The following CACNB2 variants were observed in gnomAD, a reference collection of about 807,000 sequenced individuals.
CACNB2 encodes calcium voltage-gated channel auxiliary subunit beta 2.
A neutral mutation model predicts 73.3 loss-of-function variants in CACNB2; 42 were observed. The observed-to-expected ratio is 0.57, with a 90% CI of 0.45 to 0.74. CACNB2 has a LOEUF of 0.74. Ranked by LOEUF, CACNB2 falls within the 30% of genes least tolerant of loss-of-function variation. The pLI, the probability that CACNB2 is intolerant of heterozygous loss-of-function variation, is 0.00. For synonymous variants in CACNB2, 348 were observed against 310.3 expected, an observed-to-expected ratio of 1.12 and a Z score of -1.28; for missense variants, 940 against 853.0, an observed-to-expected ratio of 1.10 and a Z score of -1.27.
chr10:18,500,713 A>C (rs1317900675), intron 4 of CACNB2, 99 bp from the exon 5 acceptor site: 28 of 1,204,744 alleles, frequency 2.3e-5, no homozygotes, highest in Non-Finnish European at 3.1e-5. Context: ...GGCATAGTTA[A>C]TGGTCATTGC....
intron 3 of CACNB2, among the ~76,000 whole-genome samples, chr10:18,475,654 C>G (rs2132791254): frequency 6.6e-6 from 1 of 152,200 alleles, no homozygotes; most frequent in East Asian, 1.9e-4. Flanking sequence ...ACAAATCATA[C>G]CAGTACTAAA....
At position 18,531,480 on chromosome 10, in the gene CACNB2, C is replaced by T. The variant is rs566346577; in HGVS notation, c.1055-2596C>T. ...TAGTGCTGCAGTGAACATATACATG[C>T]GTGTATCTTTATAATAGAATGATTT... On this transcript the variant is annotated intron_variant, in intron 10 of 13. Transcript: ENST00000324631. Among the ~76,000 whole-genome samples, 42 of 152,154 alleles carry T rather than the reference C, an allele frequency of 2.8e-4. No individual in the cohort carries two copies. In the East Asian group the frequency reaches 4.1e-3, roughly 15 times the overall value.
At chr10:18,517,836 A>T (rs983966738) in intron 7 of CACNB2, among the ~76,000 whole-genome samples, 2 of 152,194 alleles carry the variant, frequency 1.3e-5, no homozygotes, top group Admixed American at 1.3e-4. Context: ...ATTGGTAGTG[A>T]GAGTTATAAT....
At chr10:18,189,818 G>A (rs755758996) in intron 2 of CACNB2, among the ~76,000 whole-genome samples, 3 of 152,114 alleles carry the variant, frequency 2.0e-5, no homozygotes, top group Non-Finnish European at 4.4e-5. Context: ...TCACCACTGC[G>A]TTTTCCATCA....
intron 2 of CACNB2, among the ~76,000 whole-genome samples, chr10:18,159,565 C>T (rs2032308430): frequency 6.6e-6 from 1 of 152,160 alleles, no homozygotes; most frequent in East Asian, 1.9e-4. Flanking sequence ...ATGACACTTT[C>T]AGAACATGGT....
In CACNB2 at chr10:18,335,158, G is replaced by C. The variant is rs548953448; in HGVS notation, c.214-66766G>C. ...AAAAAAAAAAATACCGTTGGATATGGACTTAACCACTTAAATTAAGATAGC... is the reference window on the plus strand; with the variant it reads ...AAAAAAAAAAATACCGTTGGATATGCACTTAACCACTTAAATTAAGATAGC... On this transcript the variant is annotated intron_variant, in intron 2 of 13. Transcript: ENST00000324631. 2.0e-5 allele frequency among the ~76,000 whole-genome samples: 3 copies of C among 151,918 alleles called. No homozygotes were observed. The East Asian group carries it at 5.8e-4, about 29-fold the overall frequency.
In CACNB2 at chr10:18,220,201, GTATATATATATA is replaced by G. The variant is rs773942256; in HGVS notation, c.213+69247_213+69258del. Among the ~76,000 whole-genome samples, 10 of 23,314 alleles carry G rather than the reference GTATATATATATA, an allele frequency of 4.3e-4. 1 individual carries two copies. Among genetic ancestry groups the G allele is most frequent in the African/African-American group, 2.2e-3 (8 of 3,630 alleles). The allele number at this position is 23,314 out of a possible 152,430, so 15.3% of individuals were successfully genotyped here. A position where few individuals can be genotyped will look rare whatever the true frequency, so the allele number is the denominator to read the frequency against. ...CATATATATACATATATATGTGTGT[GTATATATATATA>G]TATATATATATATATATATAGAGAG... On this transcript the variant is annotated intron_variant, in intron 2 of 13. Transcript: ENST00000324631.
chr10:18,439,160 G>A (rs948029596), intron 3 of CACNB2, among the ~76,000 whole-genome samples: 1 of 152,230 alleles, frequency 6.6e-6, no homozygotes, highest in Non-Finnish European at 1.5e-5. Context: ...GAAGTGGGAG[G>A]ATTGGGGGCT....
intron 2 of CACNB2, among the ~76,000 whole-genome samples, chr10:18,202,705 C>A (rs191189464): frequency 2.6e-5 from 4 of 152,320 alleles, no homozygotes; most frequent in African/African-American, 9.6e-5. Flanking sequence ...GTTCCAGAAC[C>A]ATTCTCAGGT....
At chr10:18,351,966 C>T (rs2132141837) in intron 2 of CACNB2, among the ~76,000 whole-genome samples, 1 of 152,228 alleles carries the variant, frequency 6.6e-6, no homozygotes, top group East Asian at 1.9e-4. Context: ...TTCTACACTC[C>T]TGCTGCTCTC....
Position 18,539,352 on chromosome 10 carries a change from AC to A in CACNB2, c.1612del (p.His538ThrfsTer31). On this transcript the variant is annotated frameshift_variant, in exon 14 of 14. Coordinates refer to ENST00000324631, the MANE Select transcript of CACNB2 (RefSeq NM_201596.3). LOFTEE classifies it high-confidence loss of function. Reference sequence around the variant, plus strand: ...AGCACCGCTCTTCCTCCTCAGCCCCACACCACAACCATCGCAGTGGGACAAG... The same window carrying A: ...AGCACCGCTCTTCCTCCTCAGCCCCAACCACAACCATCGCAGTGGGACAAG... ...SQHRSSSSAP[H>X]HNHRSGTSRG... 6.2e-7 allele frequency: 1 copy of A among 1,614,106 alleles called. No homozygotes were observed. Among genetic ancestry groups the A allele is most frequent in the Non-Finnish European group, 8.5e-7 (1 of 1,180,012 alleles).
chr10:18,209,961 A>G (rs2035250788), intron 2 of CACNB2, among the ~76,000 whole-genome samples: 2 of 152,166 alleles, frequency 1.3e-5, no homozygotes, highest in African/African-American at 2.4e-5. Context: ...TTTGAAATGG[A>G]TAGGAGAAAG....
intron 13 of CACNB2, among the ~76,000 whole-genome samples, chr10:18,538,849 T>TA (rs2053866288): frequency 6.6e-6 from 1 of 152,304 alleles, no homozygotes; most frequent in South Asian, 2.1e-4. Context: ...AAGCATTTGC[T>TA]ATTTTTAATA....
intron 3 of CACNB2, among the ~76,000 whole-genome samples, chr10:18,450,902 G>C (rs2046991428): frequency 6.6e-6 from 1 of 152,250 alleles, no homozygotes; most frequent in East Asian, 1.9e-4. Flanking sequence ...CTCCCAAAGT[G>C]TTGGGATTAC....
chr10:18,319,012 G>C (rs1237211034), intron 2 of CACNB2, among the ~76,000 whole-genome samples: 1 of 152,312 alleles, frequency 6.6e-6, no homozygotes, highest in East Asian at 1.9e-4. Flanking sequence ...ATGTAAATTA[G>C]TTCAACCATT....
At chr10:18,195,538 T>G (rs933523825) in intron 2 of CACNB2, among the ~76,000 whole-genome samples, 3 of 152,212 alleles carry the variant, frequency 2.0e-5, no homozygotes, top group Admixed American at 6.5e-5. Flanking sequence ...GTCTCATAAA[T>G]GCATTCCACT....
Position 18,541,374 on chromosome 10 carries a change from C to T in CACNB2, c.*1650C>T, listed in dbSNP as rs2133349285. The T allele has an allele frequency of 6.5e-6, 1 of 152,676 alleles. No homozygotes were observed. Among genetic ancestry groups the T allele is most frequent in the Non-Finnish European group, 1.5e-5 (1 of 68,026 alleles). 9.5% of individuals were successfully genotyped at this position (152,676 alleles called of 1,614,324 possible). A position where few individuals can be genotyped will look rare whatever the true frequency, so the allele number is the denominator to read the frequency against. On this transcript the variant is annotated 3_prime_UTR_variant, in exon 14 of 14. Coordinates refer to ENST00000324631, the MANE Select transcript of CACNB2 (RefSeq NM_201596.3). The stretch of plus-strand genomic sequence containing the variant: ...ACATTATCTCCATGCCTCAATTACA[C>T]TGCTGTAAGAAGCTTACAATGTCAT...
At chr10:18,364,033 C>T (rs1256089850) in intron 2 of CACNB2, among the ~76,000 whole-genome samples, 3 of 151,416 alleles carry the variant, frequency 2.0e-5, no homozygotes, top group African/African-American at 4.9e-5. Flanking sequence ...CTGAAACCTC[C>T]GCCTCCCGGG....
At chr10:18,484,317 C>T (rs950018525) in intron 3 of CACNB2, among the ~76,000 whole-genome samples, 11 of 151,848 alleles carry the variant, frequency 7.2e-5, no homozygotes, top group Non-Finnish European at 1.6e-4. Flanking sequence ...TCACTTGAAC[C>T]CGGGAGGCAG....
Sources: allele counts gnomAD v4.1 joint callset (sites outside exome capture counted in the v4.1 genomes callset), GRCh38; gene constraint gnomAD v4.1.1; transcripts MANE v1.5; gene names NCBI Gene and HGNC (gene_info 2026-07-23, HGNC 2026-07-21).